The following CMIP variants were observed in gnomAD, a reference collection of about 807,000 sequenced individuals.
The protein encoded by CMIP is c-Maf inducing protein.
CMIP carries 13 observed loss-of-function variants against 97.3 expected under a neutral mutation model. That is an observed-to-expected ratio of 0.13 (90% confidence interval 0.09 to 0.21). CMIP has a LOEUF of 0.21. Among genes scored for constraint, CMIP ranks in the 10% least tolerant of loss-of-function variants. CMIP has a pLI of 1.00. For missense variants in CMIP, 847 were observed against 1,024.9 expected (o/e 0.83, Z 2.37); for synonymous variants, 538 against 436.3 (o/e 1.23, Z -2.91).
chr16:81,593,621 C>G (rs2091499768), intron 1 of CMIP, among the ~76,000 whole-genome samples: 1 of 152,184 alleles, frequency 6.6e-6, no homozygotes. Context: ...CTTGTTGAGG[C>G]TTGAAAGTAA....
chr16:81,651,757 T>G (rs1285279115), intron 3 of CMIP, among the ~76,000 whole-genome samples: 1 of 152,128 alleles, frequency 6.6e-6, no homozygotes, highest in Admixed American at 6.5e-5. Flanking sequence ...TTGGAAACTG[T>G]GTGGAGACAG....
chr16:81,662,742 C>T (rs2092561242), intron 6 of CMIP, among the ~76,000 whole-genome samples: 1 of 152,208 alleles, frequency 6.6e-6, no homozygotes, highest in Admixed American at 6.5e-5. Context: ...AGGGGCTGGG[C>T]CTTGTCCTCA....
At chr16:81,545,494 A>G (rs1404160435) in intron 1 of CMIP, among the ~76,000 whole-genome samples, 1 of 152,204 alleles carries the variant, frequency 6.6e-6, no homozygotes, top group Non-Finnish European at 1.5e-5. Flanking sequence ...CTGTGTGAAG[A>G]GTCCCTGTGC....
intron 1 of CMIP, among the ~76,000 whole-genome samples, chr16:81,591,921 C>A (rs1357151660): frequency 6.6e-6 from 1 of 151,592 alleles, no homozygotes; most frequent in African/African-American, 2.4e-5. Context: ...ACCTCCCAGG[C>A]TCAAGTATCC....
At chr16:81,657,852 T>G (rs1213761758) in intron 5 of CMIP, 36 bp downstream of exon 5, 2 of 1,562,772 alleles carry the variant, frequency 1.3e-6, no homozygotes, top group Non-Finnish European at 1.7e-6. Context: ...TCCACCCACC[T>G]CCGCCTCCTG....
chr16:81,522,253 G>A (rs987201062), intron 1 of CMIP, among the ~76,000 whole-genome samples: 1 of 152,160 alleles, frequency 6.6e-6, no homozygotes, highest in African/African-American at 2.4e-5. Flanking sequence ...TGATTGGTGG[G>A]TTGGGCCCTG....
chr16:81,530,177 G>A (rs1478877630), intron 1 of CMIP, among the ~76,000 whole-genome samples: 2 of 152,168 alleles, frequency 1.3e-5, no homozygotes, highest in Admixed American at 6.5e-5. Flanking sequence ...TCAGGATCAA[G>A]GAAAGTCACA....
At chr16:81,693,401 G>C in intron 12 of CMIP, 38 bp from the exon 13 acceptor site, 1 of 1,599,970 alleles carries the variant, frequency 6.3e-7, no homozygotes, top group South Asian at 1.1e-5. Flanking sequence ...CTCAGTTCCA[G>C]ACCCCGGCAG....
chr16:81,693,093 T>C (rs1234824793), intron 11 of CMIP, 65 bp from the exon 12 acceptor site: 1 of 1,275,334 alleles, frequency 7.8e-7, no homozygotes, highest in Non-Finnish European at 1.1e-6. Flanking sequence ...AGGTTAATCT[T>C]GGGAACATTG....
rs1453343681 is a variant in CMIP at position 81,667,789 on chromosome 16, AGAGAGAGAGAGTGT to A, written c.826-2351_826-2338del. Among the ~76,000 whole-genome samples the A allele has an allele frequency of 1.7e-3, 181 of 109,414 alleles. No homozygotes were observed. In the East Asian group the frequency reaches 0.03, roughly 18 times the overall value. 71.8% of individuals were successfully genotyped at this position (109,414 alleles called of 152,430 possible). ...GAAAGAGAGAGAGAGAGAGAGAGAG[AGAGAGAGAGAGTGT>A]GTGTGTGTGTGTGTGTGTGTGTGTG... On this transcript the variant is annotated intron_variant, in intron 7 of 20. Transcript: ENST00000537098.
chr16:81,664,442 G>A lies in CMIP; in HGVS notation c.825+93G>A, dbSNP rs1597214985. ...CCTTTTGCGTTGGCACAGATTTGGG[G>A]AATGTGGTTGGCCCAGCGTGACAGC... On this transcript the variant is annotated intron_variant, in intron 7 of 20. Transcript: ENST00000537098. The A allele has an allele frequency of 7.9e-6, 10 of 1,269,210 alleles. No individual in the cohort carries two copies. In the East Asian group the frequency reaches 2.4e-4, roughly 30 times the overall value. The allele number at this position is 1,269,210 out of a possible 1,614,324, so 78.6% of individuals were successfully genotyped here. A position where few individuals can be genotyped will look rare whatever the true frequency, so the allele number is the denominator to read the frequency against.
At chr16:81,544,717 GTGTGTATA>G (rs1024283715) in intron 1 of CMIP, among the ~76,000 whole-genome samples, 2 of 151,684 alleles carry the variant, frequency 1.3e-5, no homozygotes, top group African/African-American at 4.8e-5. Context: ...GTGGAATGTT[GTGTGTATA>G]TGTGCATGTG....
intron 4 of CMIP, among the ~76,000 whole-genome samples, chr16:81,654,941 G>A (rs966326048): frequency 1.3e-5 from 2 of 152,176 alleles, no homozygotes; most frequent in African/African-American, 4.8e-5. Context: ...TCAGTAGCTG[G>A]GTGGCCTTGG....
In CMIP at chr16:81,556,354, T is replaced by A. The variant is rs535304211; in HGVS notation, c.301-51213T>A. Reference sequence around the variant, plus strand: ...TTCTCTGAACACGGGTGCGCTGGTGTCCCTTTTAAAAGTCCCTATTTTTAA... The same window carrying A: ...TTCTCTGAACACGGGTGCGCTGGTGACCCTTTTAAAAGTCCCTATTTTTAA... On this transcript the variant is annotated intron_variant, in intron 1 of 20. Transcript: ENST00000537098. 1.1e-4 allele frequency among the ~76,000 whole-genome samples: 16 copies of A among 152,272 alleles called. No individual in the cohort carries two copies. In the South Asian group the frequency reaches 3.3e-3, roughly 32 times the overall value.
intron 2 of CMIP, among the ~76,000 whole-genome samples, chr16:81,608,477 G>C (rs1177170197): frequency 6.6e-6 from 1 of 152,142 alleles, no homozygotes; most frequent in African/African-American, 2.4e-5. Flanking sequence ...TAATCCTTAA[G>C]AGTGAGCGCC....
chr16:81,611,700 G>A (rs891392316), intron 2 of CMIP, among the ~76,000 whole-genome samples: 1 of 152,048 alleles, frequency 6.6e-6, no homozygotes, highest in African/African-American at 2.4e-5. Context: ...AGTCCTCTCT[G>A]TGTGTCTCTC....
intron 1 of CMIP, among the ~76,000 whole-genome samples, chr16:81,578,640 G>A (rs909502485): frequency 2.0e-5 from 3 of 152,242 alleles, no homozygotes; most frequent in Non-Finnish European, 2.9e-5. Flanking sequence ...ATGGGCTGGT[G>A]TGTAGGATGT....
chr16:81,518,608 A>G (rs1426717456), intron 1 of CMIP: 2 of 152,284 alleles, frequency 1.3e-5, no homozygotes, highest in African/African-American at 4.8e-5. Flanking sequence ...AGCCCTATGC[A>G]GTTGGCATTA....
chr16:81,561,706 C>G (rs374579519), intron 1 of CMIP, among the ~76,000 whole-genome samples: 16 of 152,328 alleles, frequency 1.1e-4, no homozygotes, highest in African/African-American at 3.6e-4. Flanking sequence ...AAAAGCATCC[C>G]TCAGCTGCTG....
Sources: gnomAD v4.1 joint callset for allele counts (sites outside exome capture counted in the v4.1 genomes callset) on GRCh38, gnomAD v4.1.1 for gene constraint, MANE v1.5 for transcripts, NCBI Gene and HGNC (gene_info 2026-07-23, HGNC 2026-07-21) for gene names.